HERPUD2: variants seen among roughly 807,000 people sequenced by gnomAD.
HERPUD2 encodes the protein HERPUD family member 2, also known as homocysteine-responsive endoplasmic reticulum-resident ubiquitin-like domain member 2 protein.
In HERPUD2, 13 loss-of-function variants were observed where a neutral mutation model predicts 49.9. The ratio of observed to expected loss-of-function variants is 0.26; its 90% confidence interval spans 0.17 to 0.41. The LOEUF (loss-of-function observed/expected upper bound fraction) is 0.41. Ranked by LOEUF, HERPUD2 falls within the 10% of genes least tolerant of loss-of-function variation. The pLI is 1.00. For missense variants in HERPUD2, 449 were observed against 492.2 expected (o/e 0.91, Z 0.83); for synonymous variants, 172 against 171.4 (o/e 1.00, Z -0.03).
intron 2 of HERPUD2, among the ~76,000 whole-genome samples, chr7:35,693,381 C>T (rs542882661): frequency 6.6e-6 from 1 of 152,106 alleles, no homozygotes; most frequent in African/African-American, 2.4e-5. Flanking sequence ...TTCTTTGGTC[C>T]TTGAAACATA....
intron 5 of HERPUD2, among the ~76,000 whole-genome samples, chr7:35,649,412 C>T (rs1461463734): frequency 6.6e-6 from 1 of 151,970 alleles, no homozygotes; most frequent in Non-Finnish European, 1.5e-5. Context: ...CGTTAGTAAT[C>T]GTTGTCAACA....
At chr7:35,659,620 C>CT (rs1785365367) in intron 5 of HERPUD2, among the ~76,000 whole-genome samples, 1 of 152,176 alleles carries the variant, frequency 6.6e-6, no homozygotes, top group African/African-American at 2.4e-5. Context: ...AGAGAAGAGA[C>CT]TTGCCCAAAC....
intron 1 of HERPUD2, 23 bp downstream of exon 1, chr7:35,694,778 G>A (rs1246377788): frequency 6.4e-6 from 1 of 156,916 alleles, no homozygotes; most frequent in African/African-American, 2.4e-5. Context: ...GCCGCTCAGG[G>A]CGGTCAGCGG....
intron 5 of HERPUD2, among the ~76,000 whole-genome samples, chr7:35,652,017 TTA>T (rs1288023865): frequency 1.3e-5 from 2 of 152,182 alleles, no homozygotes; most frequent in African/African-American, 2.4e-5. Flanking sequence ...GCAAAACTCC[TTA>T]TCTGGGGAAT....
chr7:35,686,028 A>C (rs1488766737), intron 2 of HERPUD2, among the ~76,000 whole-genome samples: 2 of 152,162 alleles, frequency 1.3e-5, no homozygotes, highest in Non-Finnish European at 2.9e-5. Context: ...AGACCTAATA[A>C]CAAATGACAA....
intron 2 of HERPUD2, among the ~76,000 whole-genome samples, chr7:35,677,081 C>T (rs1785778436): frequency 6.6e-6 from 1 of 152,094 alleles, no homozygotes; most frequent in South Asian, 2.1e-4. Flanking sequence ...AAGGTAAAAA[C>T]TATAAACAAG....
chr7:35,674,144 G>T (rs887567858), intron 2 of HERPUD2, among the ~76,000 whole-genome samples: 1 of 151,490 alleles, frequency 6.6e-6, no homozygotes, highest in Non-Finnish European at 1.5e-5. Flanking sequence ...CTACAAAAGG[G>T]TCTTCTTATA....
intron 5 of HERPUD2, among the ~76,000 whole-genome samples, chr7:35,662,807 T>G (rs1785452815): frequency 6.6e-6 from 1 of 152,340 alleles, no homozygotes; most frequent in Admixed American, 6.5e-5. Flanking sequence ...TTTGTTGATC[T>G]TTTCAAAAAA....
intron 5 of HERPUD2, among the ~76,000 whole-genome samples, chr7:35,639,999 A>G (rs1015988500): frequency 6.6e-6 from 1 of 152,184 alleles, no homozygotes; most frequent in Non-Finnish European, 1.5e-5. Context: ...TCTTGGACAC[A>G]GGACAACAGA....
intron 2 of HERPUD2, among the ~76,000 whole-genome samples, chr7:35,685,191 C>T (rs1453867526): frequency 3.4e-4 from 51 of 151,006 alleles, no homozygotes; most frequent in Admixed American, 1.9e-3. Flanking sequence ...GAGCCAAGGT[C>T]GTGCCACTGT....
chr7:35,689,721 A>G (rs1178121474), intron 2 of HERPUD2, among the ~76,000 whole-genome samples: 1 of 152,252 alleles, frequency 6.6e-6, no homozygotes, highest in Non-Finnish European at 1.5e-5. Flanking sequence ...GGAGAGGTAG[A>G]TAAGAAAATG....
chr7:35,686,643 C>T (rs530778747), intron 2 of HERPUD2, among the ~76,000 whole-genome samples: 2 of 106,850 alleles, frequency 1.9e-5, no homozygotes, highest in African/African-American at 6.8e-5. Flanking sequence ...GGCGTGAACC[C>T]GGGAGGCGGA....
At chr7:35,648,654 A>G (rs1230264517) in intron 5 of HERPUD2, among the ~76,000 whole-genome samples, 1 of 152,162 alleles carries the variant, frequency 6.6e-6, no homozygotes, top group Non-Finnish European at 1.5e-5. Context: ...GAAGACTTCA[A>G]ATGTGCTCAG....
At chr7:35,675,570 G>C (rs985846551) in intron 2 of HERPUD2, among the ~76,000 whole-genome samples, 3 of 152,058 alleles carry the variant, frequency 2.0e-5, no homozygotes, top group Non-Finnish European at 4.4e-5. Context: ...AAGGACATCA[G>C]TCTCTTTTTG....
chr7:35,633,667 T>G lies in HERPUD2; in HGVS notation c.*23A>C. 6.2e-7 allele frequency: 1 copy of G among 1,606,278 alleles called. No homozygotes were observed. The highest frequency in any genetic ancestry group is 8.5e-7 in the Non-Finnish European group (1 of 1,176,948). ...CACTTTCCTGAAGTCAGACCCTCCT[T>G]GTAGCTGGCACAGTTTTTCAGGTCA... is the stretch of plus-strand genomic sequence containing the variant. On this transcript the variant is annotated 3_prime_UTR_variant, in exon 9 of 9. Coordinates refer to ENST00000311350, the MANE Select transcript of HERPUD2 (RefSeq NM_022373.5).
intron 5 of HERPUD2, among the ~76,000 whole-genome samples, chr7:35,639,122 G>A (rs534122980): frequency 1.1e-3 from 171 of 151,516 alleles, no homozygotes; most frequent in African/African-American, 4.0e-3. Flanking sequence ...TCTGCCTCCT[G>A]GATTCAAGCA....
intron 2 of HERPUD2, among the ~76,000 whole-genome samples, chr7:35,687,623 C>T (rs957242715): frequency 6.6e-6 from 1 of 152,220 alleles, no homozygotes; most frequent in East Asian, 1.9e-4. Context: ...GTGAGGAAAG[C>T]TCACTTGCTG....
chr7:35,674,913 T>C (rs1785727878), intron 2 of HERPUD2, among the ~76,000 whole-genome samples: 1 of 152,114 alleles, frequency 6.6e-6, no homozygotes, highest in East Asian at 1.9e-4. Flanking sequence ...TTTGTATCCT[T>C]TGTAATAATA....
At chr7:35,638,652 C>G (rs1784913807) in intron 5 of HERPUD2, among the ~76,000 whole-genome samples, 180 bp from the exon 6 acceptor site, 1 of 152,276 alleles carries the variant, frequency 6.6e-6, no homozygotes, top group Admixed American at 6.5e-5. Context: ...TAAGTTGACC[C>G]AGGGCCCAAC....
Sources: allele counts gnomAD v4.1 joint callset (sites outside exome capture counted in the v4.1 genomes callset), GRCh38; gene constraint gnomAD v4.1.1; transcripts MANE v1.5; gene names NCBI Gene and HGNC (gene_info 2026-07-23, HGNC 2026-07-21).